ZNF516: variants seen among roughly 807,000 people sequenced by gnomAD.
ZNF516 encodes the protein zinc finger protein 516.
ZNF516 carries 19 observed loss-of-function variants against 79.7 expected under a neutral mutation model. The observed-to-expected ratio is 0.24, with a 90% confidence interval of 0.17 to 0.35. The LOEUF (loss-of-function observed/expected upper bound fraction) is 0.35, where lower values mean the gene tolerates loss of function less well. ZNF516 is among the 10% of genes least tolerant of loss of function. The pLI, the probability that ZNF516 is intolerant of heterozygous loss-of-function variation, is 1.00. For synonymous variants in ZNF516, 877 were observed against 739.5 expected, an observed-to-expected ratio of 1.19 and a Z score of -3.02; for missense variants, 1,678 against 1,679.5, an observed-to-expected ratio of 1.00 and a Z score of 0.02.
intron 3 of ZNF516, among the ~76,000 whole-genome samples, chr18:76,437,298 C>T (rs951547104): frequency 5.3e-5 from 8 of 152,068 alleles, no homozygotes; most frequent in Admixed American, 3.9e-4. Flanking sequence ...AGCCTCAGTG[C>T]GCCTGGTGAC....
intron 3 of ZNF516, among the ~76,000 whole-genome samples, chr18:76,405,629 G>C (rs1346350149): frequency 6.6e-6 from 1 of 151,850 alleles, no homozygotes; most frequent in Non-Finnish European, 1.5e-5. Flanking sequence ...GGTTCTGCTT[G>C]CGGTTCATTT....
chr18:76,404,583 GA>G (rs1568264474), intron 3 of ZNF516, among the ~76,000 whole-genome samples: 2 of 152,072 alleles, frequency 1.3e-5, no homozygotes, highest in African/African-American at 4.8e-5. Flanking sequence ...AGTATGTAAT[GA>G]GTAAGCATGT....
chr18:76,454,370 A>C (rs529667034), intron 2 of ZNF516, among the ~76,000 whole-genome samples: 51 of 152,386 alleles, frequency 3.3e-4, no homozygotes, highest in African/African-American at 1.2e-3. Flanking sequence ...GAATTACTTA[A>C]GATTTTGTTT....
At chr18:76,490,941 G>A in intron 1 of ZNF516, 1 of 985,380 alleles carries the variant, frequency 1.0e-6, no homozygotes, top group Non-Finnish European at 1.2e-6. Flanking sequence ...CGGAGACACT[G>A]TGAGGTCACA....
intron 3 of ZNF516, among the ~76,000 whole-genome samples, chr18:76,417,666 T>C (rs1242238576): frequency 6.6e-6 from 1 of 152,250 alleles, no homozygotes. Flanking sequence ...TGTAATTAAC[T>C]ATATTAACTT....
At chr18:76,458,127 G>A (rs1048426978) in intron 2 of ZNF516, among the ~76,000 whole-genome samples, 24 of 152,152 alleles carry the variant, frequency 1.6e-4, no homozygotes, top group Admixed American at 2.6e-4. Flanking sequence ...TAAGTGCCAC[G>A]GTAGGTCCTC....
chr18:76,359,362 C>T lies in ZNF516; in HGVS notation c.*3136G>A, dbSNP rs1046949026. 1.3e-5 allele frequency: 2 copies of T among 152,160 alleles called. No individual in the cohort carries two copies. The highest frequency in any genetic ancestry group is 2.4e-5 in the African/African-American group (1 of 41,424). The allele number at this position is 152,160 out of a possible 1,614,324, so 9.4% of individuals were successfully genotyped here. ...CTGTCCGTCTAAGATGACAATAAGA[C>T]CTTCCAGGGAACCAGGCAGAAAGGT... is the stretch of plus-strand genomic sequence containing the variant. On this transcript the variant is annotated 3_prime_UTR_variant, in exon 7 of 7. Coordinates refer to ENST00000443185, the MANE Select transcript of ZNF516 (RefSeq NM_014643.4).
chr18:76,472,795 G>A (rs368489432), intron 1 of ZNF516, among the ~76,000 whole-genome samples: 7 of 152,022 alleles, frequency 4.6e-5, no homozygotes, highest in Admixed American at 6.5e-5. Context: ...CAGTAAGCAA[G>A]GAAATAAATA....
intron 4 of ZNF516, among the ~76,000 whole-genome samples, chr18:76,374,255 C>G (rs1240992420): frequency 6.6e-5 from 10 of 152,224 alleles, no homozygotes; most frequent in Admixed American, 6.5e-4. Context: ...TTCATACTAT[C>G]AGATCATCTA....
chr18:76,489,917 A>G (rs557278220), intron 1 of ZNF516, among the ~76,000 whole-genome samples: 1 of 152,330 alleles, frequency 6.6e-6, no homozygotes, highest in South Asian at 2.1e-4. Context: ...GTTGTGTTTC[A>G]TTCTAGCGAG....
chr18:76,451,226 G>A lies in ZNF516; in HGVS notation c.-157-8015C>T, dbSNP rs781458462. On this transcript the variant is annotated intron_variant, in intron 2 of 6. Coordinates refer to ENST00000443185, the MANE Select transcript of ZNF516 (RefSeq NM_014643.4). The surrounding 1 kb of genome is among the most constrained non-coding windows in gnomAD (Gnocchi z 6.0). The stretch of plus-strand genomic sequence containing the variant: ...TTCTGGTTCATGAATTAACCTTATC[G>A]CGGTCCCGAAACAGCCCTGGCTCCC... Among the ~76,000 whole-genome samples the A allele has an allele frequency of 1.3e-5, 2 of 152,076 alleles. No individual in the cohort carries two copies. Among genetic ancestry groups the A allele is most frequent in the Admixed American group, 6.5e-5 (1 of 15,274 alleles).
intron 3 of ZNF516, among the ~76,000 whole-genome samples, chr18:76,433,628 G>A (rs750693483): frequency 1.3e-5 from 2 of 152,264 alleles, no homozygotes; most frequent in South Asian, 2.1e-4. Flanking sequence ...GGGAGAAGAC[G>A]GGCAGGTGCC....
chr18:76,473,123 T>G (rs1015671988), intron 1 of ZNF516, among the ~76,000 whole-genome samples: 1 of 152,202 alleles, frequency 6.6e-6, no homozygotes, highest in African/African-American at 2.4e-5. Context: ...AAGCATTATA[T>G]GCTTTCTATA....
At position 76,467,459 on chromosome 18, in the gene ZNF516, G is replaced by A. The variant is rs965352957; in HGVS notation, c.-271-4318C>T. Among the ~76,000 whole-genome samples the A allele has an allele frequency of 6.6e-6, 1 of 152,158 alleles. No individual in the cohort carries two copies. The highest frequency in any genetic ancestry group is 1.5e-5 in the Non-Finnish European group (1 of 68,026). ...AACGCTCTGCCCTGAGATCTCTCTC[G>A]CCCTAACTAGATATTAAGCACACCT... On this transcript the variant is annotated intron_variant, in intron 1 of 6. Coordinates refer to ENST00000443185, the MANE Select transcript of ZNF516 (RefSeq NM_014643.4). The surrounding 1 kb of genome is among the most constrained non-coding windows in gnomAD (Gnocchi z 4.2).
intron 3 of ZNF516, among the ~76,000 whole-genome samples, chr18:76,427,067 G>C (rs951958430): frequency 1.3e-5 from 2 of 152,254 alleles, no homozygotes; most frequent in Admixed American, 6.5e-5. Context: ...GTGGAGACAA[G>C]AGCCTGAGAG....
At chr18:76,455,440 T>C (rs940178971) in intron 2 of ZNF516, among the ~76,000 whole-genome samples, 1 of 152,206 alleles carries the variant, frequency 6.6e-6, no homozygotes, top group Admixed American at 6.5e-5. Context: ...TGCAAGGCAC[T>C]GCTCAGGGAC....
chr18:76,390,609 A>ACAAGTCTC (rs2075056931), intron 3 of ZNF516, among the ~76,000 whole-genome samples: 1 of 152,306 alleles, frequency 6.6e-6, no homozygotes, highest in Non-Finnish European at 1.5e-5. Flanking sequence ...AGCACCACCC[A>ACAAGTCTC]CAAGTCTCCA....
intron 1 of ZNF516, among the ~76,000 whole-genome samples, chr18:76,471,622 G>A (rs1435699297): frequency 4.6e-5 from 7 of 152,280 alleles, no homozygotes; most frequent in Middle Eastern, 3.4e-3. Context: ...ACGACAGCTG[G>A]GCCTCAGCCA....
intron 1 of ZNF516, chr18:76,488,163 G>A (rs1914942055): frequency 1.0e-6 from 1 of 985,286 alleles, no homozygotes; most frequent in Non-Finnish European, 1.2e-6. Context: ...TGCACAGCCT[G>A]ACACTACAAT....
Sources: gnomAD v4.1 joint callset for allele counts (sites outside exome capture counted in the v4.1 genomes callset) on GRCh38, gnomAD v4.1.1 for gene constraint, Gnocchi (gnomAD v3.1) non-coding constraint, MANE v1.5 for transcripts, NCBI Gene and HGNC (gene_info 2026-07-23, HGNC 2026-07-21) for gene names.